The following PRKAR1B variants were observed in gnomAD, a reference collection of about 807,000 sequenced individuals.
PRKAR1B encodes the protein protein kinase cAMP-dependent type I regulatory subunit beta.
PRKAR1B carries 22 observed loss-of-function variants against 46.5 expected under a neutral mutation model. That is an observed-to-expected ratio of 0.47 (90% CI 0.34 to 0.68). The LOEUF (loss-of-function observed/expected upper bound fraction) is 0.68, where lower values mean the gene tolerates loss of function less well. Among genes scored for constraint, PRKAR1B ranks in the 30% least tolerant of loss-of-function variants. The pLI is 0.01. For synonymous variants in PRKAR1B, 259 were observed against 217.7 expected (o/e 1.19, Z -1.67); for missense variants, 445 against 535.6 (o/e 0.83, Z 1.67).
Position 584,576 on chromosome 7 carries a change from G to A in PRKAR1B, c.709-8C>T. On this transcript the variant is annotated splice_polypyrimidine_tract_variant and splice_region_variant and intron_variant, in intron 7 of 10. Transcript: ENST00000537384. ...TTTCCTCAGCGTGCTGCCCTGTTCG[G>A]GAGAAAGTAAAAAACAGACAAGAAG... 1 of 1,612,252 alleles carries A rather than the reference G, an allele frequency of 6.2e-7. No individual in the cohort carries two copies. The highest frequency in any genetic ancestry group is 1.1e-5 in the South Asian group (1 of 90,802).
At chr7:621,107 C>A (rs1583313790) in intron 4 of PRKAR1B, among the ~76,000 whole-genome samples, 1 of 152,346 alleles carries the variant, frequency 6.6e-6, no homozygotes, top group Non-Finnish European at 1.5e-5. Flanking sequence ...TCCTTGAATT[C>A]TGGATCATCT....
At chr7:610,571 G>A (rs1362134886) in intron 4 of PRKAR1B, among the ~76,000 whole-genome samples, 1 of 152,152 alleles carries the variant, frequency 6.6e-6, no homozygotes, top group South Asian at 2.1e-4. Flanking sequence ...GTTAATGCCC[G>A]AATGTCACCA....
chr7:681,327 A>AC (rs1215108006), intron 2 of PRKAR1B, among the ~76,000 whole-genome samples: 28 of 151,848 alleles, frequency 1.8e-4, no homozygotes, highest in African/African-American at 6.8e-4. Flanking sequence ...TCTCTATAAA[A>AC]AAAAAAAAAA....
chr7:603,600 C>T (rs1781778553), intron 6 of PRKAR1B, among the ~76,000 whole-genome samples: 1 of 124,876 alleles, frequency 8.0e-6, no homozygotes, highest in Admixed American at 7.3e-5. Context: ...ATGATGACTC[C>T]AGGACCCAGA....
intron 4 of PRKAR1B, among the ~76,000 whole-genome samples, chr7:621,437 TAAAA>T (rs1783104033): frequency 6.6e-6 from 1 of 152,000 alleles, no homozygotes; most frequent in Non-Finnish European, 1.5e-5. Context: ...AAAAAGAAAA[TAAAA>T]AGAAAAGTCT....
At chr7:577,312 A>G (rs1446635986) in intron 9 of PRKAR1B, among the ~76,000 whole-genome samples, 1 of 152,112 alleles carries the variant, frequency 6.6e-6, no homozygotes, top group Non-Finnish European at 1.5e-5. Flanking sequence ...ACCCAAAATG[A>G]TCCTCGTCAC....
chr7:551,547 A>T, intron 9 of PRKAR1B, 77 bp from the exon 10 acceptor site: 1 of 1,416,600 alleles, frequency 7.1e-7, no homozygotes, highest in Non-Finnish European at 9.7e-7. Flanking sequence ...GTCACCCCAC[A>T]GGGGGTCACC....
intron 2 of PRKAR1B, chr7:691,687 C>T (rs1353938344): frequency 2.3e-6 from 3 of 1,282,948 alleles, no homozygotes; most frequent in East Asian, 1.1e-4. Flanking sequence ...GCTGTGACCT[C>T]ACACGGTCAA....
At chr7:633,249 A>G (rs1277486477) in intron 4 of PRKAR1B, among the ~76,000 whole-genome samples, 1 of 152,184 alleles carries the variant, frequency 6.6e-6, no homozygotes, top group East Asian at 1.9e-4. Context: ...TCTATCTAAC[A>G]CAGGCAGGAG....
In PRKAR1B at chr7:596,414, G is replaced by T. The variant is rs916220556; in HGVS notation, c.550-110C>A. The T allele has an allele frequency of 3.0e-6, 4 of 1,348,446 alleles. No individual in the cohort carries two copies. The African/African-American group carries it at 4.4e-5, about 15-fold the overall frequency. 83.5% of individuals were successfully genotyped at this position (1,348,446 alleles called of 1,614,324 possible). Reference sequence around the variant, plus strand: ...CTCTCCAGAAGAGGGTCCCCGCAGGGCGGGGCACAAGCCCTTTCGCTTGTG... The same window carrying T: ...CTCTCCAGAAGAGGGTCCCCGCAGGTCGGGGCACAAGCCCTTTCGCTTGTG... On this transcript the variant is annotated intron_variant, in intron 6 of 10. Transcript: ENST00000537384.
intron 1 of PRKAR1B, chr7:713,011 C>A (rs976379974): frequency 6.6e-6 from 1 of 152,190 alleles, no homozygotes; most frequent in Admixed American, 6.5e-5. Context: ...AGCTTCACCC[C>A]GATGCCCAGT....
chr7:717,592 A>G (rs997289019), intron 1 of PRKAR1B, among the ~76,000 whole-genome samples: 2 of 152,116 alleles, frequency 1.3e-5, no homozygotes, highest in African/African-American at 2.4e-5. Context: ...CAAGAGTTCG[A>G]GGCTGCAGTG....
chr7:580,420 T>A (rs1171510079), intron 8 of PRKAR1B, among the ~76,000 whole-genome samples: 2 of 151,720 alleles, frequency 1.3e-5, no homozygotes, highest in African/African-American at 4.8e-5. Flanking sequence ...TAATAATACA[T>A]GAATAACAAA....
intron 2 of PRKAR1B, among the ~76,000 whole-genome samples, chr7:708,552 A>T (rs1328154579): frequency 6.6e-6 from 1 of 152,162 alleles, no homozygotes; most frequent in Non-Finnish European, 1.5e-5. Flanking sequence ...GCAGTGTTGC[A>T]ATCAGCTCAC....
At chr7:613,397 A>G (rs1782635186) in intron 4 of PRKAR1B, among the ~76,000 whole-genome samples, 1 of 152,156 alleles carries the variant, frequency 6.6e-6, no homozygotes, top group East Asian at 1.9e-4. Flanking sequence ...ACATTTTTAA[A>G]GCAACCAAAA....
At chr7:686,662 A>G (rs188909454) in intron 2 of PRKAR1B, among the ~76,000 whole-genome samples, 1 of 152,194 alleles carries the variant, frequency 6.6e-6, no homozygotes, top group East Asian at 1.9e-4. Context: ...TTCTGGAGAG[A>G]TCAACTAGAA....
chr7:641,348 G>A (rs1784376267), intron 4 of PRKAR1B, among the ~76,000 whole-genome samples: 1 of 152,176 alleles, frequency 6.6e-6, no homozygotes. Context: ...ACACAGACAC[G>A]CATAAGGCTG....
intron 1 of PRKAR1B, among the ~76,000 whole-genome samples, chr7:713,484 C>T (rs1012121127): frequency 2.6e-5 from 4 of 152,018 alleles, no homozygotes; most frequent in Non-Finnish European, 5.9e-5. Context: ...CCCACTCACC[C>T]GTCTCTTGCT....
At position 727,190 on chromosome 7, in the gene PRKAR1B, G is replaced by A; in HGVS notation, c.-23+20C>T. ...CTGGGCCTGGCCGTGGACCTGTGCG[G>A]CGCCGCGCTCGCGCCCCACCTGGAC... On this transcript the variant is annotated intron_variant, in intron 1 of 10. Transcript: ENST00000537384. 7.4e-7 allele frequency: 1 copy of A among 1,344,756 alleles called. No individual in the cohort carries two copies. The highest frequency in any genetic ancestry group is 9.6e-7 in the Non-Finnish European group (1 of 1,044,196). 83.3% of individuals were successfully genotyped at this position (1,344,756 alleles called of 1,614,324 possible). A position where few individuals can be genotyped will look rare whatever the true frequency, so the allele number is the denominator to read the frequency against.
Sources: allele counts gnomAD v4.1 joint callset (sites outside exome capture counted in the v4.1 genomes callset), GRCh38; gene constraint gnomAD v4.1.1; transcripts MANE v1.5; gene names NCBI Gene and HGNC (gene_info 2026-07-23, HGNC 2026-07-21).